The following MYO5B variants were observed in gnomAD, a reference collection of about 807,000 sequenced individuals.
MYO5B encodes the protein myosin VB.
A neutral mutation model predicts 229.3 loss-of-function variants in MYO5B; 143 were observed. The observed-to-expected ratio is 0.62, with a 90% CI of 0.54 to 0.72. The LOEUF (loss-of-function observed/expected upper bound fraction) is 0.72, where lower values mean the gene tolerates loss of function less well. MYO5B is among the 30% of genes least tolerant of loss of function. MYO5B has a pLI of 0.00. For synonymous variants in MYO5B, 918 were observed against 885.2 expected (o/e 1.04, Z -0.66); for missense variants, 2,321 against 2,331.0 (o/e 1.00, Z 0.09).
At chr18:49,996,845 T>C (rs1004710743) in intron 5 of MYO5B, among the ~76,000 whole-genome samples, 2 of 152,226 alleles carry the variant, frequency 1.3e-5, no homozygotes, top group African/African-American at 4.8e-5. Context: ...GGGGTTATGT[T>C]ACAAAATAAA....
chr18:50,115,226 C>T (rs549896355), intron 1 of MYO5B, among the ~76,000 whole-genome samples: 21 of 152,338 alleles, frequency 1.4e-4, no homozygotes, highest in African/African-American at 5.1e-4. Flanking sequence ...GGATACTCTC[C>T]AACAGCATCC....
intron 4 of MYO5B, among the ~76,000 whole-genome samples, chr18:50,009,272 G>A (rs932865067): frequency 6.6e-6 from 1 of 152,242 alleles, no homozygotes; most frequent in African/African-American, 2.4e-5. Context: ...CAGCTACTTG[G>A]GAGGCTGAGG....
rs1434574444 is a variant in MYO5B, at chr18:49,825,068, A to AGATGG, written c.*1402_*1403insCCATC. On this transcript the variant is annotated 3_prime_UTR_variant, in exon 40 of 40. Transcript: ENST00000285039. ...CTGTTCTACTTCCAATTCATGGATA[A>AGATGG]ATCTTATTTTCTCAATGTAATACAG... is the stretch of plus-strand genomic sequence containing the variant. 8.5e-5 allele frequency: 13 copies of AGATGG among 152,342 alleles called. No individual in the cohort carries two copies. Among genetic ancestry groups the AGATGG allele is most frequent in the Non-Finnish European group, 1.6e-4 (11 of 68,030 alleles). The allele number at this position is 152,342 out of a possible 1,614,324, so 9.4% of individuals were successfully genotyped here.
At chr18:49,888,858 G>A (rs796862243) in intron 22 of MYO5B, among the ~76,000 whole-genome samples, 91 of 152,310 alleles carry the variant, frequency 6.0e-4, no homozygotes, top group African/African-American at 2.0e-3. Flanking sequence ...TGTACCACAC[G>A]GGGTGGTGGG....
At chr18:50,180,063 C>T (rs540875979) in intron 1 of MYO5B, among the ~76,000 whole-genome samples, 3 of 152,132 alleles carry the variant, frequency 2.0e-5, no homozygotes, top group Non-Finnish European at 4.4e-5. Flanking sequence ...CTTAAGATTC[C>T]TAAGGGCCTT....
At chr18:50,028,274 T>C (rs1049277588) in intron 4 of MYO5B, among the ~76,000 whole-genome samples, 1 of 152,178 alleles carries the variant, frequency 6.6e-6, no homozygotes, top group African/African-American at 2.4e-5. Context: ...ATTTAGTGGC[T>C]TGTAAACTTA....
chr18:49,878,109 T>C (rs947605553), intron 24 of MYO5B, among the ~76,000 whole-genome samples: 2 of 152,168 alleles, frequency 1.3e-5, no homozygotes, highest in African/African-American at 2.4e-5. Context: ...CGCAAATTCC[T>C]AACACTTGGG....
chr18:49,909,921 C>T (rs1024586571), intron 18 of MYO5B, among the ~76,000 whole-genome samples: 2 of 152,102 alleles, frequency 1.3e-5, no homozygotes, highest in African/African-American at 4.8e-5. Context: ...GCTCCCCCTG[C>T]GTATTAGGCT....
intron 1 of MYO5B, among the ~76,000 whole-genome samples, chr18:50,174,719 G>A (rs1472335981): frequency 6.6e-6 from 1 of 152,204 alleles, no homozygotes; most frequent in East Asian, 1.9e-4. Context: ...GAATTAGGGG[G>A]TAGCAGTGGT....
chr18:50,141,585 A>G (rs2032418558), intron 1 of MYO5B, among the ~76,000 whole-genome samples: 1 of 152,140 alleles, frequency 6.6e-6, no homozygotes, highest in Non-Finnish European at 1.5e-5. Context: ...CCCTGCATCA[A>G]TCTTTCTGAT....
At chr18:50,099,851 A>G (rs970556854) in intron 1 of MYO5B, among the ~76,000 whole-genome samples, 4 of 152,182 alleles carry the variant, frequency 2.6e-5, no homozygotes, top group African/African-American at 7.2e-5. Flanking sequence ...TATAAACTTT[A>G]TCCTCCACCA....
intron 4 of MYO5B, among the ~76,000 whole-genome samples, chr18:50,017,585 G>A (rs1018308916): frequency 5.3e-5 from 8 of 152,096 alleles, no homozygotes; most frequent in African/African-American, 1.9e-4. Context: ...TGACCATTAC[G>A]AATAACGCTA....
At chr18:50,154,288 T>A (rs1484897163) in intron 1 of MYO5B, among the ~76,000 whole-genome samples, 2 of 152,214 alleles carry the variant, frequency 1.3e-5, no homozygotes, top group African/African-American at 4.8e-5. Flanking sequence ...GTGATTTTTT[T>A]AAAGCTTATC....
Position 49,863,215 on chromosome 18 carries a change from C to T in MYO5B, c.3944+12G>A, listed in dbSNP as rs765931558. ...CGGCCTCGTCCAGCACATTTGACCG[C>T]GGCGGCCTTACCTGTTTGTCTGGCA... On this transcript the variant is annotated intron_variant, in intron 29 of 39. Coordinates refer to ENST00000285039, the MANE Select transcript of MYO5B (RefSeq NM_001080467.3). 46 of 1,608,434 alleles carry T rather than the reference C, an allele frequency of 2.9e-5. No individual in the cohort carries two copies. The highest frequency in any genetic ancestry group is 3.6e-5 in the Non-Finnish European group (42 of 1,176,434).
intron 1 of MYO5B, among the ~76,000 whole-genome samples, chr18:50,166,656 C>A (rs2032856576): frequency 6.6e-6 from 1 of 152,060 alleles, no homozygotes; most frequent in Admixed American, 6.5e-5. Flanking sequence ...TCCTCCTTAG[C>A]CACTCCCCAC....
chr18:49,917,599 A>G (rs2025031507), intron 17 of MYO5B, among the ~76,000 whole-genome samples: 1 of 151,952 alleles, frequency 6.6e-6, no homozygotes, highest in African/African-American at 2.4e-5. Flanking sequence ...ACTCGGTGTG[A>G]CTCTGGTTCA....
rs1419668154 is a variant in MYO5B at position 49,836,719 on chromosome 18, T to G, written c.5305A>C (p.Thr1769Pro). The G allele has an allele frequency of 6.2e-7, 1 of 1,613,794 alleles. No individual in the cohort carries two copies. Among genetic ancestry groups the G allele is most frequent in the African/African-American group, 1.3e-5 (1 of 74,858 alleles). ...GTGCAAAGTGACTGTACCTGCTGGGTGCTGAGGGAGGTACACAGGGAGCAG... is the reference window on the plus strand; with the variant it reads ...GTGCAAAGTGACTGTACCTGCTGGGGGCTGAGGGAGGTACACAGGGAGCAG... ...AICSLCTSLSTQQIVKILNLY... is the reference protein window; with the variant it reads ...AICSLCTSLSPQQIVKILNLY... Residue 1769 changes from threonine (T) to proline (P), a missense_variant, in exon 38 of 40, where the codon ACC (threonine) becomes CCC (proline). Thr to Pro is a conservative substitution (Grantham distance 38, BLOSUM62 -1). This residue lies in a region of MYO5B where 208 missense variants were observed against 286.3 expected (regional missense o/e 0.73). Transcript: ENST00000285039.
At chr18:49,989,465 C>G (rs912795923) in intron 7 of MYO5B, among the ~76,000 whole-genome samples, 1 of 152,188 alleles carries the variant, frequency 6.6e-6, no homozygotes, top group Non-Finnish European at 1.5e-5. Flanking sequence ...AAAACACGGA[C>G]AGCAGGACAG....
intron 4 of MYO5B, 21 bp downstream of exon 4, chr18:50,036,829 C>A: frequency 6.2e-7 from 1 of 1,613,926 alleles, no homozygotes; most frequent in Non-Finnish European, 8.5e-7. Context: ...AGGAGGACTT[C>A]TGGGCTGAGG....
Sources: gnomAD v4.1 joint callset for allele counts (sites outside exome capture counted in the v4.1 genomes callset) on GRCh38, gnomAD v4.1.1 for gene constraint, gnomAD v4.1.1 regional missense constraint, MANE v1.5 for transcripts, NCBI Gene and HGNC (gene_info 2026-07-23, HGNC 2026-07-21) for gene names.